The following NDFIP2 variants were observed in gnomAD, a reference collection of about 807,000 sequenced individuals.
The protein encoded by NDFIP2 is NEDD4 family-interacting protein 2.
Under a neutral mutation model 36.0 loss-of-function variants are expected in NDFIP2, and 19 were observed. The observed-to-expected ratio is 0.53, with a 90% CI of 0.37 to 0.77. NDFIP2 has a LOEUF of 0.77. NDFIP2 is among the 30% of genes least tolerant of loss of function. NDFIP2 has a pLI of 0.00. For missense variants in NDFIP2, 446 were observed against 435.8 expected, an observed-to-expected ratio of 1.02 and a Z score of -0.21; for synonymous variants, 181 against 167.7, an observed-to-expected ratio of 1.08 and a Z score of -0.61.
intron 1 of NDFIP2, among the ~76,000 whole-genome samples, chr13:79,502,220 A>C (rs1247410498): frequency 1.3e-5 from 2 of 152,292 alleles, no homozygotes; most frequent in Non-Finnish European, 2.9e-5. Flanking sequence ...ATTTCCTGAC[A>C]TCAAATCATG....
chr13:79,550,231 T>C (rs1054930712), intron 6 of NDFIP2, among the ~76,000 whole-genome samples: 2 of 151,844 alleles, frequency 1.3e-5, no homozygotes, highest in Non-Finnish European at 2.9e-5. Context: ...TTTATACTTA[T>C]CTAATATTTT....
In NDFIP2 at chr13:79,553,572, TA is replaced by T. The variant is rs1875987690; in HGVS notation, c.*1063del. ...AGTTTAATTTGTAAAGCTTAGCAAA[TA>T]AAATCTTGTACTATGAATAGCTTCT... On this transcript the variant is annotated 3_prime_UTR_variant, in exon 8 of 8. Coordinates refer to ENST00000218652, the MANE Select transcript of NDFIP2 (RefSeq NM_019080.3). 1 of 151,780 alleles carries T rather than the reference TA, an allele frequency of 6.6e-6. No individual in the cohort carries two copies. Among genetic ancestry groups the T allele is most frequent in the Non-Finnish European group, 1.5e-5 (1 of 67,502 alleles). The allele number at this position is 151,780 out of a possible 1,614,324, so 9.4% of individuals were successfully genotyped here.
chr13:79,503,381 A>AT (rs1873740125), intron 1 of NDFIP2, among the ~76,000 whole-genome samples: 3 of 152,182 alleles, frequency 2.0e-5, no homozygotes, highest in Admixed American at 2.0e-4. Flanking sequence ...GCCAAGGATA[A>AT]GCGGACTAGA....
intron 1 of NDFIP2, 110 bp from the exon 2 acceptor site, chr13:79,520,700 C>CT: frequency 9.8e-7 from 1 of 1,022,954 alleles, no homozygotes; most frequent in Non-Finnish European, 1.3e-6. Flanking sequence ...ATGCCATTTT[C>CT]TTTGTGTTTG....
chr13:79,490,382 T>C (rs900217357), intron 1 of NDFIP2, among the ~76,000 whole-genome samples: 4 of 152,186 alleles, frequency 2.6e-5, no homozygotes, highest in African/African-American at 9.7e-5. Flanking sequence ...GGTGGTCTCA[T>C]GTGACTAGAG....
intron 1 of NDFIP2, among the ~76,000 whole-genome samples, chr13:79,505,257 A>G (rs9530927): frequency 0.17 from 26,044 of 152,072 alleles, 2,689 homozygotes; most frequent in Middle Eastern, 0.29. Flanking sequence ...TATTAGCCGG[A>G]TTGTTGAATA....
chr13:79,522,216 T>G (rs552256379), intron 2 of NDFIP2, among the ~76,000 whole-genome samples: 1 of 152,308 alleles, frequency 6.6e-6, no homozygotes, highest in East Asian at 1.9e-4. Flanking sequence ...TGATAACAAT[T>G]TTGTCTTTAG....
chr13:79,521,335 T>G (rs185334284), intron 2 of NDFIP2, among the ~76,000 whole-genome samples: 1 of 152,320 alleles, frequency 6.6e-6, no homozygotes, highest in African/African-American at 2.4e-5. Context: ...TTCAGGTCAC[T>G]CTAAAGAACT....
chr13:79,481,600 T>G, intron 1 of NDFIP2, 76 bp downstream of exon 1: 2 of 1,443,792 alleles, frequency 1.4e-6, no homozygotes, highest in Non-Finnish European at 1.9e-6. Context: ...CCTCAGGTTA[T>G]TCCCGGAGGA....
chr13:79,535,963 G>A (rs764811562), intron 3 of NDFIP2, among the ~76,000 whole-genome samples: 1 of 152,138 alleles, frequency 6.6e-6, no homozygotes, highest in Non-Finnish European at 1.5e-5. Context: ...AGTACATTCA[G>A]TTGTAAATGA....
chr13:79,515,288 T>G (rs1874247090), intron 1 of NDFIP2, among the ~76,000 whole-genome samples: 1 of 152,148 alleles, frequency 6.6e-6, no homozygotes, highest in Non-Finnish European at 1.5e-5. Flanking sequence ...GGCATACAAC[T>G]GTACAGATAT....
intron 2 of NDFIP2, among the ~76,000 whole-genome samples, chr13:79,524,232 G>T (rs990095865): frequency 6.6e-6 from 1 of 151,982 alleles, no homozygotes; most frequent in African/African-American, 2.4e-5. Context: ...AAGCATATTG[G>T]CAAATCCTTC....
In NDFIP2 at chr13:79,542,556, T is replaced by C. The variant is rs138924306; in HGVS notation, c.716-1002T>C. Among the ~76,000 whole-genome samples the C allele has an allele frequency of 5.3e-5, 8 of 152,078 alleles. No individual in the cohort carries two copies. In the East Asian group the frequency reaches 9.7e-4, roughly 18 times the overall value. On this transcript the variant is annotated intron_variant, in intron 4 of 7. Transcript: ENST00000218652. The stretch of plus-strand genomic sequence containing the variant: ...CTAATAGTTTGGTGATGGTATCTTA[T>C]TGTGGTTTAATTTTTATTTCCCTAA...
At chr13:79,539,025 G>C (rs1022306450) in intron 3 of NDFIP2, among the ~76,000 whole-genome samples, 6 of 152,026 alleles carry the variant, frequency 3.9e-5, no homozygotes, top group African/African-American at 1.4e-4. Flanking sequence ...AATGCCGGCA[G>C]CTTTTCCAGA....
At chr13:79,486,643 G>A (rs1341080822) in intron 1 of NDFIP2, among the ~76,000 whole-genome samples, 1 of 152,198 alleles carries the variant, frequency 6.6e-6, no homozygotes, top group Non-Finnish European at 1.5e-5. Context: ...GTAGAGCAGA[G>A]ATCAGCAAAC....
intron 2 of NDFIP2, among the ~76,000 whole-genome samples, chr13:79,524,787 G>T (rs971684562): frequency 6.6e-6 from 1 of 152,104 alleles, no homozygotes; most frequent in Admixed American, 6.6e-5. Flanking sequence ...TTTTCTTTGA[G>T]GGCACATGGA....
chr13:79,486,552 A>G (rs8002042), intron 1 of NDFIP2, among the ~76,000 whole-genome samples: 105,243 of 152,120 alleles, frequency 0.69, 37,869 homozygotes, highest in African/African-American at 0.9. Flanking sequence ...AATGTATATT[A>G]AAATGCACAA....
chr13:79,554,621 A>T lies in NDFIP2; in HGVS notation c.*2108A>T, dbSNP rs1008974621. 6 of 151,886 alleles carry T rather than the reference A, an allele frequency of 4.0e-5. No homozygotes were observed. Among genetic ancestry groups the T allele is most frequent in the African/African-American group, 1.4e-4 (6 of 41,428 alleles). The allele number at this position is 151,886 out of a possible 1,614,324, so 9.4% of individuals were successfully genotyped here. On this transcript the variant is annotated 3_prime_UTR_variant, in exon 8 of 8. Coordinates refer to ENST00000218652, the MANE Select transcript of NDFIP2 (RefSeq NM_019080.3). ...TTCAATGGTAGCCTTAAATCTCATC[A>T]TGTAAGCAGGGGAATCAGAATGTTA...
chr13:79,508,291 T>TA (rs1873946825), intron 1 of NDFIP2, among the ~76,000 whole-genome samples: 1 of 152,222 alleles, frequency 6.6e-6, no homozygotes, highest in South Asian at 2.1e-4. Context: ...TGCACACTTT[T>TA]ACCTTTACTA....
Sources: allele counts gnomAD v4.1 joint callset (sites outside exome capture counted in the v4.1 genomes callset), GRCh38; gene constraint gnomAD v4.1.1; transcripts MANE v1.5; gene names NCBI Gene and HGNC (gene_info 2026-07-23, HGNC 2026-07-21).